The following TANC1 variants were observed in gnomAD, a reference collection of about 807,000 sequenced individuals.
TANC1 encodes protein TANC1.
A neutral mutation model predicts 149.7 loss-of-function variants in TANC1; 77 were observed. That is an observed-to-expected ratio of 0.51 (90% CI 0.43 to 0.62). The LOEUF (loss-of-function observed/expected upper bound fraction) is 0.62, where lower values mean the gene tolerates loss of function less well. Among genes scored for constraint, TANC1 ranks in the 20% least tolerant of loss-of-function variants. TANC1 has a pLI of 0.00. For synonymous variants in TANC1, 854 were observed against 925.0 expected (o/e 0.92, Z 1.39); for missense variants, 1,985 against 2,321.8 (o/e 0.85, Z 2.98).
chr2:159,076,385 A>T (rs914633752), intron 3 of TANC1, among the ~76,000 whole-genome samples: 1 of 152,194 alleles, frequency 6.6e-6, no homozygotes, highest in Non-Finnish European at 1.5e-5. Context: ...TCAAGAATTT[A>T]TAAAGAAACC....
At chr2:159,123,485 C>A (rs1415311140) in intron 4 of TANC1, among the ~76,000 whole-genome samples, 1 of 152,066 alleles carries the variant, frequency 6.6e-6, no homozygotes, top group Non-Finnish European at 1.5e-5. Context: ...ACGCTCCCCT[C>A]ACCCCACCTC....
chr2:158,988,607 G>A (rs1212822990), intron 1 of TANC1, among the ~76,000 whole-genome samples: 2 of 152,074 alleles, frequency 1.3e-5, no homozygotes, highest in South Asian at 2.1e-4. Flanking sequence ...AGTCCCCATC[G>A]TGTTGGGGAG....
Position 159,199,008 on chromosome 2 carries a change from C to G in TANC1, c.3199C>G (p.His1067Asp), listed in dbSNP as rs372204559. 11 of 1,614,038 alleles carry G rather than the reference C, an allele frequency of 6.8e-6. No homozygotes were observed. Among genetic ancestry groups the G allele is most frequent in the Non-Finnish European group, 9.3e-6 (11 of 1,179,954 alleles). ...GTGCTTGCTGGGGATGGAGAAGGAA[C>G]ATGAAGTAGAAGTCAATGGCACCGA... ...VQCLLGMEKE[H>D]EVEVNGTDTL... The change falls in exon 19 of 27, where the codon CAT becomes GAT. Residue 1067 changes from histidine (H) to aspartate (D), a missense_variant. This residue lies in a region of TANC1 where 920 missense variants were observed against 994.7 expected (regional missense o/e 0.92). Transcript: ENST00000263635.
intron 2 of TANC1, chr2:159,027,063 C>G (rs138393071): frequency 6.6e-6 from 1 of 151,662 alleles, no homozygotes; most frequent in East Asian, 1.9e-4. Context: ...CATGAATTTG[C>G]GTGTTATCCT....
chr2:159,195,134 TTC>T (rs1242692475), intron 17 of TANC1, among the ~76,000 whole-genome samples: 32 of 152,216 alleles, frequency 2.1e-4, no homozygotes, highest in African/African-American at 7.0e-4. Context: ...CAACTTTTTT[TTC>T]TGTTTTGACA....
Position 159,017,698 on chromosome 2 carries a change from AT to A in TANC1, c.-16+16510del, listed in dbSNP as rs1296930550. 7.7e-5 allele frequency among the ~76,000 whole-genome samples: 6 copies of A among 77,634 alleles called. No individual in the cohort carries two copies. In the South Asian group the frequency reaches 2.1e-3, roughly 27 times the overall value. 50.9% of individuals were successfully genotyped at this position (77,634 alleles called of 152,430 possible). ...GTCTGGGTAACAACAACAACAAAAT[AT>A]ATATATATATATATGAAAGAAAGGG... is the stretch of plus-strand genomic sequence containing the variant. On this transcript the variant is annotated intron_variant, in intron 2 of 26. Transcript: ENST00000263635.
chr2:159,177,981 TA>T (rs2056059879), intron 13 of TANC1, among the ~76,000 whole-genome samples: 1 of 152,230 alleles, frequency 6.6e-6, no homozygotes, highest in South Asian at 2.1e-4. Flanking sequence ...AAGTTTACTT[TA>T]AAAAAGCAAT....
At chr2:159,180,778 T>C (rs529234430) in intron 14 of TANC1, among the ~76,000 whole-genome samples, 2 of 152,362 alleles carry the variant, frequency 1.3e-5, no homozygotes, top group South Asian at 2.1e-4. Context: ...TTTTGTTATA[T>C]GCAGTTATGT....
chr2:159,155,314 A>T (rs1001239299), intron 7 of TANC1, among the ~76,000 whole-genome samples: 1 of 152,210 alleles, frequency 6.6e-6, no homozygotes, highest in African/African-American at 2.4e-5. Context: ...TTAATGATAG[A>T]TGTGCAGAGG....
At chr2:159,054,381 G>A (rs1347555985) in intron 2 of TANC1, among the ~76,000 whole-genome samples, 1 of 152,170 alleles carries the variant, frequency 6.6e-6, no homozygotes, top group Non-Finnish European at 1.5e-5. Flanking sequence ...AAGGGGTGCT[G>A]GCTGCACATT....
At chr2:159,056,301 A>G (rs1159898619) in intron 2 of TANC1, 2 of 182,528 alleles carry the variant, frequency 1.1e-5, no homozygotes, top group Non-Finnish European at 2.3e-5. Flanking sequence ...GTTGGTTTTT[A>G]TTTATTTTAT....
At chr2:159,225,265 T>G in intron 23 of TANC1, 1 of 229,702 alleles carries the variant, frequency 4.4e-6, no homozygotes, top group Non-Finnish European at 8.6e-6. Flanking sequence ...GGCCGAGCTG[T>G]AGGGTAGGAG....
At chr2:159,120,199 A>G (rs908189079) in intron 4 of TANC1, among the ~76,000 whole-genome samples, 1 of 152,142 alleles carries the variant, frequency 6.6e-6, no homozygotes, top group Admixed American at 6.5e-5. Context: ...GTAGGTGACA[A>G]TAGTGTATGT....
chr2:159,126,432 T>G (rs2049463435), intron 4 of TANC1, among the ~76,000 whole-genome samples: 1 of 152,244 alleles, frequency 6.6e-6, no homozygotes, highest in South Asian at 2.1e-4. Context: ...GCAGAGTGTT[T>G]CTGACATTTC....
intron 19 of TANC1, among the ~76,000 whole-genome samples, chr2:159,209,185 C>G (rs1220810244): frequency 6.6e-6 from 1 of 152,164 alleles, no homozygotes; most frequent in East Asian, 1.9e-4. Context: ...GAGGCTTGTC[C>G]CAGACACCAA....
intron 4 of TANC1, among the ~76,000 whole-genome samples, chr2:159,119,709 C>T (rs540936985): frequency 1.3e-5 from 2 of 152,154 alleles, no homozygotes; most frequent in African/African-American, 4.8e-5. Context: ...CAGGGGACGG[C>T]AGCAGGCACT....
At chr2:159,010,246 T>C (rs2037617944) in intron 2 of TANC1, among the ~76,000 whole-genome samples, 2 of 152,142 alleles carry the variant, frequency 1.3e-5, no homozygotes, top group Non-Finnish European at 2.9e-5. Context: ...TATCCTTAAT[T>C]TTACATAAAA....
chr2:158,984,688 G>C (rs777354738), intron 1 of TANC1, among the ~76,000 whole-genome samples: 61 of 152,090 alleles, frequency 4.0e-4, no homozygotes, highest in Non-Finnish European at 1.8e-4. Context: ...GTAGGGGGAG[G>C]AGGAGGAGTT....
intron 4 of TANC1, among the ~76,000 whole-genome samples, chr2:159,100,759 A>G (rs540761275): frequency 1.4e-4 from 22 of 152,328 alleles, no homozygotes; most frequent in African/African-American, 4.6e-4. Context: ...CAGTGACTCA[A>G]TACATCAAAT....
Sources: gnomAD v4.1 joint callset for allele counts (sites outside exome capture counted in the v4.1 genomes callset) on GRCh38, gnomAD v4.1.1 for gene constraint, gnomAD v4.1.1 regional missense constraint, MANE v1.5 for transcripts, NCBI Gene and HGNC (gene_info 2026-07-23, HGNC 2026-07-21) for gene names.